BEND3: variants seen among roughly 807,000 people sequenced by gnomAD.
The protein encoded by BEND3 is BEN domain-containing protein 3.
Under a neutral mutation model 60.1 loss-of-function variants are expected in BEND3, and 13 were observed. The ratio of observed to expected loss-of-function variants is 0.22; its 90% CI spans 0.14 to 0.34. The LOEUF is 0.34. BEND3 is among the 10% of genes least tolerant of loss of function. The probability of loss-of-function intolerance (pLI) is 1.00; values close to 1 mark genes in which losing one functional copy is unlikely to be tolerated. For missense variants in BEND3, 896 were observed against 1,138.1 expected (o/e 0.79, Z 3.06); for synonymous variants, 497 against 491.5 (o/e 1.01, Z -0.15).
At chr6:107,110,036 A>C (rs1554238153) in intron 1 of BEND3, among the ~76,000 whole-genome samples, 2 of 131,570 alleles carry the variant, frequency 1.5e-5, no homozygotes, top group African/African-American at 5.3e-5. Context: ...GACTCAAAAA[A>C]AAAAAAAAAA....
intron 3 of BEND3, among the ~76,000 whole-genome samples, chr6:107,093,347 G>A (rs912908735): frequency 6.6e-6 from 1 of 152,102 alleles, no homozygotes; most frequent in East Asian, 1.9e-4. Context: ...TGTAGTCCCA[G>A]CTACTCAGGA....
chr6:107,092,298 T>C (rs1275639876), intron 3 of BEND3, among the ~76,000 whole-genome samples: 4 of 152,006 alleles, frequency 2.6e-5, no homozygotes, highest in Admixed American at 1.3e-4. Context: ...CTTAGATTTA[T>C]CCTAGACATG....
chr6:107,081,033 C>T (rs1323263245), intron 3 of BEND3, among the ~76,000 whole-genome samples: 1 of 152,112 alleles, frequency 6.6e-6, no homozygotes, highest in South Asian at 2.1e-4. Context: ...AGGATCATTG[C>T]AGCCTCAACC....
chr6:107,089,648 G>A (rs1007889700), intron 3 of BEND3, among the ~76,000 whole-genome samples: 7 of 149,150 alleles, frequency 4.7e-5, no homozygotes, highest in South Asian at 2.2e-4. Context: ...AGGCTAAAGC[G>A]CAAGGGCATG....
At chr6:107,072,727 G>C (rs1554232229) in intron 3 of BEND3, among the ~76,000 whole-genome samples, 1 of 152,196 alleles carries the variant, frequency 6.6e-6, no homozygotes, top group African/African-American at 2.4e-5. Context: ...GCTCACGCCT[G>C]TAATCCCAGC....
intron 3 of BEND3, among the ~76,000 whole-genome samples, chr6:107,082,274 G>A (rs922032949): frequency 1.3e-5 from 2 of 152,108 alleles, no homozygotes; most frequent in Admixed American, 6.5e-5. Flanking sequence ...GATAATGTAC[G>A]TAAAGGGAAG....
At chr6:107,084,980 A>T (rs1775311441) in intron 3 of BEND3, among the ~76,000 whole-genome samples, 1 of 152,128 alleles carries the variant, frequency 6.6e-6, no homozygotes, top group Non-Finnish European at 1.5e-5. Flanking sequence ...CTTCACAATA[A>T]ATCTTGCTGC....
intron 1 of BEND3, among the ~76,000 whole-genome samples, chr6:107,105,064 G>A (rs1554237216): frequency 1.3e-5 from 2 of 152,000 alleles, no homozygotes; most frequent in African/African-American, 4.8e-5. Context: ...AAGCATGAAA[G>A]GATATTTGGT....
intron 3 of BEND3, among the ~76,000 whole-genome samples, chr6:107,087,016 C>T (rs1462152271): frequency 7.5e-6 from 1 of 133,824 alleles, no homozygotes; most frequent in Non-Finnish European, 1.6e-5. Context: ...CAGAGCAAGA[C>T]TCTGTCTAAA....
At chr6:107,091,174 AGTG>A (rs1337652749) in intron 3 of BEND3, among the ~76,000 whole-genome samples, 3 of 152,122 alleles carry the variant, frequency 2.0e-5, no homozygotes, top group Non-Finnish European at 2.9e-5. Flanking sequence ...CAGCAAAAAG[AGTG>A]GTTAGAGGAA....
At position 107,069,740 on chromosome 6, in the gene BEND3, C is replaced by T; in HGVS notation, c.1451G>A (p.Gly484Glu). The T allele has an allele frequency of 6.2e-7, 1 of 1,612,142 alleles. No individual in the cohort carries two copies. The highest frequency in any genetic ancestry group is 8.5e-7 in the Non-Finnish European group (1 of 1,180,006). The change falls in exon 4 of 4, where the codon GGG (glycine) becomes GAG (glutamate). Residue 484 changes from glycine (G) to glutamate (E), a missense_variant. By Grantham distance (98) the Gly-to-Glu change is moderately conservative. Coordinates refer to ENST00000369042, the MANE Select transcript of BEND3 (RefSeq NM_001367314.1). ...GTCGCCTTCACTGCCCGCGTCCAGC[C>T]CCAGGCCCTCGAGCTCGTCGTTGAT... ...QRINDELEGLGLDAGSEGDPP... is the reference protein window; with the variant it reads ...QRINDELEGLELDAGSEGDPP...
chr6:107,078,542 C>T (rs1286533201), intron 3 of BEND3, among the ~76,000 whole-genome samples: 5 of 20,980 alleles, frequency 2.4e-4, no homozygotes, highest in Admixed American at 1.6e-3. Flanking sequence ...GCAAGCTCTG[C>T]CTCCTGGGTT....
chr6:107,097,586 T>G (rs1554236155), intron 3 of BEND3, among the ~76,000 whole-genome samples: 1 of 149,574 alleles, frequency 6.7e-6, no homozygotes, highest in South Asian at 2.1e-4. Context: ...AGGTCGGGAG[T>G]TCAAGACCAG....
At chr6:107,085,512 G>A (rs1052513024) in intron 3 of BEND3, among the ~76,000 whole-genome samples, 14 of 151,306 alleles carry the variant, frequency 9.3e-5, no homozygotes, top group African/African-American at 3.2e-4. Context: ...TTTTTTTTGA[G>A]AGAGAGTCTC....
At position 107,067,692 on chromosome 6, in the gene BEND3, G is replaced by A. The variant is rs1562295769; in HGVS notation, c.*1012C>T. 1 of 152,300 alleles carries A rather than the reference G, an allele frequency of 6.6e-6. No individual in the cohort carries two copies. Among genetic ancestry groups the A allele is most frequent in the African/African-American group, 2.4e-5 (1 of 41,452 alleles). 9.4% of individuals were successfully genotyped at this position (152,300 alleles called of 1,614,324 possible). A position where few individuals can be genotyped will look rare whatever the true frequency, so the allele number is the denominator to read the frequency against. ...AGTACTGCCTGGAGTAGCTAACACT[G>A]AGGTCTGGGGAAGTCACCACAAAGC... On this transcript the variant is annotated 3_prime_UTR_variant, in exon 4 of 4. Transcript: ENST00000369042.
chr6:107,070,258 C>T lies in BEND3; in HGVS notation c.933G>A (p.Val311=), dbSNP rs1554231758. The change falls in exon 4 of 4, where the codon GTG becomes GTA. Residue 311 remains valine, a synonymous_variant. Transcript: ENST00000369042. The surrounding 1 kb of genome is among the most constrained non-coding windows in gnomAD (Gnocchi z 6.9). The part of the protein sequence containing the change: ...SLHLQLIRNY[V]EVYYPSVKDT... Reference sequence around the variant, plus strand: ...CCTTCACCGAGGGGTAGTAGACCTCCACATAGTTGCGGATGAGCTGCAGGT... The same window carrying T: ...CCTTCACCGAGGGGTAGTAGACCTCTACATAGTTGCGGATGAGCTGCAGGT... 1 of 1,612,936 alleles carries T rather than the reference C, an allele frequency of 6.2e-7. No individual in the cohort carries two copies. Among genetic ancestry groups the T allele is most frequent in the African/African-American group, 1.3e-5 (1 of 74,946 alleles).
chr6:107,109,160 G>A (rs914578569), intron 1 of BEND3, among the ~76,000 whole-genome samples: 8 of 151,762 alleles, frequency 5.3e-5, no homozygotes, highest in East Asian at 2.0e-4. Flanking sequence ...TGGTGGGGGC[G>A]GGGGGCGGTC....
chr6:107,097,458 AG>A (rs1775608736), intron 3 of BEND3, among the ~76,000 whole-genome samples: 1 of 150,684 alleles, frequency 6.6e-6, no homozygotes, highest in African/African-American at 2.4e-5. Context: ...ATAAAGAGTT[AG>A]AAAAAAAAAA....
chr6:107,098,241 T>C (rs8180561), intron 3 of BEND3, among the ~76,000 whole-genome samples: 8,102 of 152,290 alleles, frequency 0.053, 634 homozygotes, highest in East Asian at 0.41. Flanking sequence ...TCAAGTGTGG[T>C]AGGCTTACGT....
Sources: gnomAD v4.1 joint callset for allele counts (sites outside exome capture counted in the v4.1 genomes callset) on GRCh38, gnomAD v4.1.1 for gene constraint, Gnocchi (gnomAD v3.1) non-coding constraint, MANE v1.5 for transcripts, NCBI Gene and HGNC (gene_info 2026-07-23, HGNC 2026-07-21) for gene names.